Variants in PLD5 observed in about 807,000 individuals in gnomAD.
The protein encoded by PLD5 is inactive phospholipase D5.
In PLD5, 36 loss-of-function variants were observed where a neutral mutation model predicts 61.1. That is an observed-to-expected ratio of 0.59 (90% CI 0.45 to 0.78). The LOEUF (loss-of-function observed/expected upper bound fraction) is 0.78. PLD5 is among the 30% of genes least tolerant of loss of function. The pLI, the probability that PLD5 is intolerant of heterozygous loss-of-function variation, is 0.00. For synonymous variants in PLD5, 243 were observed against 242.8 expected, an observed-to-expected ratio of 1.00 and a Z score of -0.01; for missense variants, 515 against 644.4, an observed-to-expected ratio of 0.80 and a Z score of 2.17.
chr1:242,116,326 T>A (rs1661942186), intron 6 of PLD5, among the ~76,000 whole-genome samples: 1 of 152,198 alleles, frequency 6.6e-6, no homozygotes, highest in African/African-American at 2.4e-5. Flanking sequence ...AGGAGCATGC[T>A]GAGGATCACA....
intron 5 of PLD5, among the ~76,000 whole-genome samples, chr1:242,151,441 G>C (rs1278418777): frequency 6.6e-6 from 1 of 151,806 alleles, no homozygotes; most frequent in Non-Finnish European, 1.5e-5. Flanking sequence ...AATTTGGGGT[G>C]GACACGGAGT....
intron 5 of PLD5, among the ~76,000 whole-genome samples, chr1:242,159,668 G>A (rs111782776): frequency 3.9e-5 from 6 of 152,156 alleles, no homozygotes; most frequent in East Asian, 1.9e-4. Flanking sequence ...AGGGCTTTCC[G>A]TGTCCTTCCC....
intron 1 of PLD5, among the ~76,000 whole-genome samples, chr1:242,359,486 A>G (rs528313712): frequency 6.6e-6 from 1 of 152,308 alleles, no homozygotes; most frequent in Non-Finnish European, 1.5e-5. Flanking sequence ...GTGGAGTTTC[A>G]ATAACATATT....
intron 3 of PLD5, among the ~76,000 whole-genome samples, chr1:242,265,991 T>C (rs183304071): frequency 1.3e-5 from 2 of 152,382 alleles, no homozygotes; most frequent in East Asian, 3.9e-4. Context: ...TAATCAGTGA[T>C]TTACCTGAAT....
intron 1 of PLD5, among the ~76,000 whole-genome samples, chr1:242,375,554 G>A (rs1299145045): frequency 4.6e-5 from 7 of 152,102 alleles, no homozygotes; most frequent in African/African-American, 9.7e-5. Flanking sequence ...GGAACCGAAC[G>A]TTGACTACAG....
chr1:242,176,424 C>T (rs1169111423), intron 5 of PLD5, among the ~76,000 whole-genome samples: 1 of 152,096 alleles, frequency 6.6e-6, no homozygotes, highest in African/African-American at 2.4e-5. Flanking sequence ...ATAGTTTATA[C>T]AAAAATTAAC....
At chr1:242,253,121 T>C (rs1672805410) in intron 4 of PLD5, among the ~76,000 whole-genome samples, 2 of 137,190 alleles carry the variant, frequency 1.5e-5, no homozygotes, top group African/African-American at 5.5e-5. Flanking sequence ...GGCCCTTTTT[T>C]TTTTTTTTTT....
At chr1:242,092,017 G>A (rs1351643200) in intron 9 of PLD5, among the ~76,000 whole-genome samples, 2 of 151,626 alleles carry the variant, frequency 1.3e-5, no homozygotes, top group African/African-American at 2.4e-5. Flanking sequence ...TAGTAGAGAC[G>A]GGGTTTCACC....
At chr1:242,504,788 T>A (rs1259642205) in intron 1 of PLD5, among the ~76,000 whole-genome samples, 1 of 152,178 alleles carries the variant, frequency 6.6e-6, no homozygotes, top group Non-Finnish European at 1.5e-5. Flanking sequence ...AAAACTAATT[T>A]TTCTTATTAT....
intron 9 of PLD5, among the ~76,000 whole-genome samples, chr1:242,095,224 C>A (rs1055463572): frequency 2.6e-5 from 4 of 151,672 alleles, no homozygotes; most frequent in Admixed American, 6.6e-5. Context: ...CGTGAGCCAT[C>A]GCGTCCGGCA....
intron 3 of PLD5, among the ~76,000 whole-genome samples, chr1:242,274,492 C>T (rs185682534): frequency 7.4e-4 from 113 of 152,322 alleles, no homozygotes; most frequent in Admixed American, 2.0e-3. Flanking sequence ...TGGTGGCTCA[C>T]GCCTGTAATC....
At chr1:242,451,459 C>CTTTTTTTTTT (rs398038597) in intron 1 of PLD5, among the ~76,000 whole-genome samples, 1 of 115,158 alleles carries the variant, frequency 8.7e-6, no homozygotes. Context: ...GTATCAAATT[C>CTTTTTTTTTT]TTTTTTTTTT....
At chr1:242,303,851 G>A (rs1283081087) in intron 2 of PLD5, among the ~76,000 whole-genome samples, 1 of 152,200 alleles carries the variant, frequency 6.6e-6, no homozygotes, top group African/African-American at 2.4e-5. Context: ...TTTTCCACGA[G>A]AGGGCGATTA....
At chr1:242,173,598 A>G (rs1666911087) in intron 5 of PLD5, among the ~76,000 whole-genome samples, 1 of 152,228 alleles carries the variant, frequency 6.6e-6, no homozygotes, top group Non-Finnish European at 1.5e-5. Context: ...GACAATCCTA[A>G]GCCAAAAGTA....
chr1:242,429,066 T>G (rs369431997), intron 1 of PLD5, among the ~76,000 whole-genome samples: 2 of 152,324 alleles, frequency 1.3e-5, no homozygotes, highest in African/African-American at 4.8e-5. Context: ...GCCATGGTTC[T>G]GTGAACAGCG....
At chr1:242,253,612 C>T (rs1373364225) in intron 4 of PLD5, among the ~76,000 whole-genome samples, 2 of 152,270 alleles carry the variant, frequency 1.3e-5, no homozygotes, top group Middle Eastern at 3.4e-3. Context: ...CGCGCCCGGC[C>T]GCTTCACCTC....
In PLD5 at chr1:242,477,503, C is replaced by T. The variant is rs371677684; in HGVS notation, c.189+46585G>A. On this transcript the variant is annotated intron_variant, in intron 1 of 9. Coordinates refer to ENST00000536534, the MANE Select transcript of PLD5 (RefSeq NM_001372062.1). Reference sequence around the variant, plus strand: ...ATTTCCCGATAACTTTGGGGAAGCACATTATGCGCCAATGTTGGTAGTGCA... The same window carrying T: ...ATTTCCCGATAACTTTGGGGAAGCATATTATGCGCCAATGTTGGTAGTGCA... Among the ~76,000 whole-genome samples the T allele has an allele frequency of 9.2e-5, 14 of 152,268 alleles. 1 individual carries two copies. Among genetic ancestry groups the T allele is most frequent in the African/African-American group, 3.4e-4 (14 of 41,558 alleles).
At chr1:242,183,843 A>T (rs546615858) in intron 5 of PLD5, among the ~76,000 whole-genome samples, 2 of 152,152 alleles carry the variant, frequency 1.3e-5, no homozygotes, top group East Asian at 3.9e-4. Context: ...CGCAGTGAGC[A>T]GAGATCGCGC....
intron 5 of PLD5, among the ~76,000 whole-genome samples, chr1:242,131,388 AC>A (rs1338527462): frequency 3.9e-5 from 6 of 151,986 alleles, no homozygotes; most frequent in African/African-American, 1.5e-4. Context: ...AGTACGGGGG[AC>A]TTTGGTGGGA....
Sources: allele counts gnomAD v4.1 joint callset (sites outside exome capture counted in the v4.1 genomes callset), GRCh38; gene constraint gnomAD v4.1.1; transcripts MANE v1.5; gene names NCBI Gene and HGNC (gene_info 2026-07-23, HGNC 2026-07-21).